Variants in MAML3 observed in about 807,000 individuals in gnomAD.
MAML3 encodes mastermind-like protein 3.
A neutral mutation model predicts 101.9 loss-of-function variants in MAML3; 27 were observed. That is an observed-to-expected ratio of 0.27 (90% CI 0.20 to 0.37). The LOEUF is 0.37. Ranked by LOEUF, MAML3 falls within the 10% of genes least tolerant of loss-of-function variation. The pLI is 1.00. For missense variants in MAML3, 1,316 were observed against 1,444.9 expected (o/e 0.91, Z 1.45); for synonymous variants, 501 against 555.9 (o/e 0.90, Z 1.39).
chr4:140,095,771 C>A (rs902755296), intron 1 of MAML3, among the ~76,000 whole-genome samples: 1 of 152,274 alleles, frequency 6.6e-6, no homozygotes, highest in East Asian at 1.9e-4. Context: ...GTTCCTACCC[C>A]GCCACAGGAA....
At chr4:139,814,721 C>A (rs1730865339) in intron 2 of MAML3, among the ~76,000 whole-genome samples, 1 of 152,048 alleles carries the variant, frequency 6.6e-6, no homozygotes. Context: ...GTTTCTGGGG[C>A]ACACAGTGGC....
intron 1 of MAML3, 36 bp from the exon 2 acceptor site, chr4:139,891,003 C>A (rs1300598128): frequency 1.3e-6 from 2 of 1,584,648 alleles, no homozygotes; most frequent in African/African-American, 2.7e-5. Context: ...GACTAAACCT[C>A]CAAGTCATAT....
intron 1 of MAML3, among the ~76,000 whole-genome samples, chr4:140,040,526 C>T (rs1041669797): frequency 4.6e-5 from 7 of 152,132 alleles, no homozygotes; most frequent in Admixed American, 4.6e-4. Flanking sequence ...TCTGTCCATC[C>T]CTCCTTCCTC....
chr4:140,052,553 G>C (rs1321191577), intron 1 of MAML3, among the ~76,000 whole-genome samples: 1 of 82,064 alleles, frequency 1.2e-5, no homozygotes, highest in Non-Finnish European at 2.5e-5. Flanking sequence ...TTTTTTTTTT[G>C]AGGTGGAGTC....
intron 1 of MAML3, among the ~76,000 whole-genome samples, chr4:139,997,753 G>T (rs866450629): frequency 3.5e-4 from 51 of 146,330 alleles, no homozygotes; most frequent in African/African-American, 1.3e-3. Flanking sequence ...TTCTGTTTTT[G>T]TTTTTTTTTT....
chr4:140,070,429 A>C (rs1039973935), intron 1 of MAML3, among the ~76,000 whole-genome samples: 3 of 152,214 alleles, frequency 2.0e-5, no homozygotes, highest in African/African-American at 7.2e-5. Context: ...AGGTGAGCTT[A>C]CTTTTTCAGT....
At chr4:140,061,833 C>T (rs538617743) in intron 1 of MAML3, among the ~76,000 whole-genome samples, 204 of 152,296 alleles carry the variant, frequency 1.3e-3, no homozygotes, top group Non-Finnish European at 2.4e-3. Context: ...GTATATGCAA[C>T]TGCCACAGAG....
chr4:139,781,291 G>A (rs1169158086), intron 2 of MAML3, among the ~76,000 whole-genome samples: 1 of 152,046 alleles, frequency 6.6e-6, no homozygotes, highest in Non-Finnish European at 1.5e-5. Flanking sequence ...GCACAATTCA[G>A]TTGCCTCACT....
Position 139,720,000 on chromosome 4 carries a change from C to A in MAML3, c.2740G>T (p.Gly914Cys). ...TTCACCAGCATGCTCTGACCAAAGC[C>A]ACTCACCATTCCAACCCCCTGCCCA... Reference protein sequence around the residue: ...ASGQGVGMVSGFGQSMLVNSA... With the variant: ...ASGQGVGMVSCFGQSMLVNSA... Residue 914 changes from glycine (G) to cysteine (C), a missense_variant, in exon 5 of 5, where the codon GGC (glycine) becomes TGC (cysteine). By Grantham distance (159) the Gly-to-Cys change is radical. Coordinates refer to ENST00000509479, the MANE Select transcript of MAML3 (RefSeq NM_018717.5). 6.2e-7 allele frequency: 1 copy of A among 1,614,112 alleles called. No homozygotes were observed. Among genetic ancestry groups the A allele is most frequent in the Non-Finnish European group, 8.5e-7 (1 of 1,179,908 alleles).
intron 1 of MAML3, among the ~76,000 whole-genome samples, chr4:139,964,430 G>A (rs902285040): frequency 3.3e-5 from 5 of 152,082 alleles, no homozygotes; most frequent in African/African-American, 1.2e-4. Context: ...CACACACCAG[G>A]GCCTGATGGG....
At chr4:139,728,372 C>T (rs1728563100) in intron 3 of MAML3, among the ~76,000 whole-genome samples, 1 of 152,236 alleles carries the variant, frequency 6.6e-6, no homozygotes, top group Admixed American at 6.5e-5. Flanking sequence ...TTCGCTGACA[C>T]CAGGGCCACG....
rs70943444 is a variant in MAML3, at chr4:139,832,094, C to CTTTTTTTTTTT, written c.2079+57252_2079+57262dup. 1.3e-3 allele frequency among the ~76,000 whole-genome samples: 81 copies of CTTTTTTTTTTT among 64,684 alleles called. 4 individuals carry two copies. The highest frequency in any genetic ancestry group is 2.6e-3 in the African/African-American group (61 of 23,702). The allele number at this position is 64,684 out of a possible 152,430, so 42.4% of individuals were successfully genotyped here. On this transcript the variant is annotated intron_variant, in intron 2 of 4. Coordinates refer to ENST00000509479, the MANE Select transcript of MAML3 (RefSeq NM_018717.5). ...AGGCGTGAGCCATCATGCCCAGCCC[C>CTTTTTTTTTTT]TTTTTTTTTTTTTTTTTTTTTTTTT...
At chr4:139,750,283 C>G (rs989186412) in intron 2 of MAML3, among the ~76,000 whole-genome samples, 12 of 152,196 alleles carry the variant, frequency 7.9e-5, no homozygotes, top group African/African-American at 2.7e-4. Flanking sequence ...GCATTAGAAA[C>G]TTTAGAAGCA....
chr4:139,744,415 C>A (rs1729259638), intron 2 of MAML3, among the ~76,000 whole-genome samples: 1 of 152,184 alleles, frequency 6.6e-6, no homozygotes, highest in African/African-American at 2.4e-5. Context: ...TACCACCCCC[C>A]AGGAGCATGG....
At chr4:139,990,750 A>G (rs1734656540) in intron 1 of MAML3, among the ~76,000 whole-genome samples, 1 of 152,130 alleles carries the variant, frequency 6.6e-6, no homozygotes, top group Non-Finnish European at 1.5e-5. Context: ...ATTCTTATAC[A>G]CCAATAACAG....
intron 1 of MAML3, among the ~76,000 whole-genome samples, chr4:140,002,874 C>G (rs79123697): frequency 0.014 from 2,178 of 152,266 alleles, 50 homozygotes; most frequent in African/African-American, 0.049. Flanking sequence ...CTGCAGAATT[C>G]CCAAGGGACC....
chr4:139,820,350 T>G (rs1730954813), intron 2 of MAML3, among the ~76,000 whole-genome samples: 1 of 152,222 alleles, frequency 6.6e-6, no homozygotes, highest in African/African-American at 2.4e-5. Context: ...CATGAAGTAT[T>G]TAATAGTTTC....
chr4:140,098,795 T>G (rs1728202295), intron 1 of MAML3, among the ~76,000 whole-genome samples: 1 of 152,234 alleles, frequency 6.6e-6, no homozygotes, highest in Admixed American at 6.5e-5. Flanking sequence ...CTCCAGGGTT[T>G]AGACAGAAAT....
chr4:139,843,776 T>C (rs1731399744), intron 2 of MAML3, among the ~76,000 whole-genome samples: 1 of 152,184 alleles, frequency 6.6e-6, no homozygotes, highest in African/African-American at 2.4e-5. Flanking sequence ...CACGTCCTAG[T>C]CTGGACCTCA....
Sources: gnomAD v4.1 joint callset for allele counts (sites outside exome capture counted in the v4.1 genomes callset) on GRCh38, gnomAD v4.1.1 for gene constraint, MANE v1.5 for transcripts, NCBI Gene and HGNC (gene_info 2026-07-23, HGNC 2026-07-21) for gene names.